The following CFAP58 variants were observed in gnomAD, a reference collection of about 807,000 sequenced individuals.
CFAP58 encodes cilia- and flagella-associated protein 58.
CFAP58 carries 88 observed loss-of-function variants against 119.5 expected under a neutral mutation model. The observed-to-expected ratio is 0.74, with a 90% CI of 0.62 to 0.88. CFAP58 has a LOEUF of 0.88. Ranked by LOEUF, CFAP58 falls within the 40% of genes least tolerant of loss-of-function variation. The pLI is 0.00. For synonymous variants in CFAP58, 365 were observed against 366.3 expected, an observed-to-expected ratio of 1.00 and a Z score of 0.04; for missense variants, 990 against 1,021.2, an observed-to-expected ratio of 0.97 and a Z score of 0.42.
Position 104,393,442 on chromosome 10 carries a change from G to A in CFAP58, c.1641G>A (p.Gln547=), listed in dbSNP as rs1564890005. 6.2e-7 allele frequency: 1 copy of A among 1,613,842 alleles called. No homozygotes were observed. The highest frequency in any genetic ancestry group is 2.2e-5 in the East Asian group (1 of 44,874). Residue 547 remains glutamine (Q), a synonymous_variant, in exon 11 of 18, where the codon CAG becomes CAA. Transcript: ENST00000369704. ...ESALVKLHLE[Q]QRIEKEKETL... is the part of the protein sequence containing the mutation. ...CACTTGTGAAGCTGCACCTGGAACAGCAGCGAATAGAAAAGGAAAAGGAAA... is the reference window on the plus strand; with the variant it reads ...CACTTGTGAAGCTGCACCTGGAACAACAGCGAATAGAAAAGGAAAAGGAAA...
At chr10:104,447,860 C>T (rs754684675) in intron 16 of CFAP58, 43 bp downstream of exon 16, 1 of 1,552,836 alleles carries the variant, frequency 6.4e-7, no homozygotes, top group Non-Finnish European at 8.7e-7. Context: ...AGGGCAGCCA[C>T]ACTCTGGGGA....
At chr10:104,388,334 A>T (rs1309884634) in intron 9 of CFAP58, among the ~76,000 whole-genome samples, 1 of 152,240 alleles carries the variant, frequency 6.6e-6, no homozygotes, top group Middle Eastern at 3.2e-3. Context: ...TATGCTAAGT[A>T]CTTATATGCT....
In CFAP58 at chr10:104,358,606, T is replaced by C. The variant is rs775649330; in HGVS notation, c.275T>C (p.Ile92Thr). ...LKLSQDDQTT[I>T]ASLKKEIEKA... ...CTCTCTCAGGATGATCAGACCACCA[T>C]TGCATCCCTAAAGAAGGTCAGTGAT... Residue 92 changes from isoleucine to threonine, a missense_variant, in exon 2 of 18, where the codon ATT (isoleucine) becomes ACT (threonine). Ile to Thr is a moderately conservative substitution (Grantham distance 89). Coordinates refer to ENST00000369704, the MANE Select transcript of CFAP58 (RefSeq NM_001008723.2). 7.4e-6 allele frequency: 12 copies of C among 1,611,674 alleles called. No individual in the cohort carries two copies. The highest frequency in any genetic ancestry group is 1.7e-5 in the Admixed American group (1 of 59,704).
intron 2 of CFAP58, among the ~76,000 whole-genome samples, chr10:104,359,771 T>C (rs2135247588): frequency 6.6e-6 from 1 of 152,252 alleles, no homozygotes; most frequent in East Asian, 1.9e-4. Context: ...ACTCCAGCCT[T>C]GGCAACAGAG....
At chr10:104,386,062 CTT>C (rs34685828) in intron 9 of CFAP58, among the ~76,000 whole-genome samples, 120 of 140,404 alleles carry the variant, frequency 8.5e-4, no homozygotes, top group Non-Finnish European at 9.8e-4. Flanking sequence ...TCCTTTTTTG[CTT>C]TTTTTTTTTT....
chr10:104,360,901 T>C (rs1406069631), intron 2 of CFAP58, among the ~76,000 whole-genome samples: 5 of 152,228 alleles, frequency 3.3e-5, no homozygotes, highest in African/African-American at 1.2e-4. Context: ...GTTGATTCCA[T>C]GTCTTTGCTA....
chr10:104,408,278 CTT>C (rs1482588965), intron 15 of CFAP58, among the ~76,000 whole-genome samples: 1 of 152,186 alleles, frequency 6.6e-6, no homozygotes, highest in Non-Finnish European at 1.5e-5. Context: ...CATTTCGTGA[CTT>C]TAAGAGAATT....
intron 15 of CFAP58, among the ~76,000 whole-genome samples, chr10:104,437,846 G>C (rs147396860): frequency 2.0e-5 from 3 of 151,972 alleles, no homozygotes; most frequent in South Asian, 4.1e-4. Context: ...AACCATAAAA[G>C]AAATATGTAT....
intron 15 of CFAP58, among the ~76,000 whole-genome samples, chr10:104,433,637 C>T (rs888214702): frequency 1.3e-5 from 2 of 152,184 alleles, no homozygotes; most frequent in Non-Finnish European, 2.9e-5. Context: ...CTGAGCCCAT[C>T]CCATGATGTC....
Position 104,400,655 on chromosome 10 carries a change from ACTATGCCCCTCCCTAC to A in CFAP58, c.1816-22_1816-7del, listed in dbSNP as rs1564892671. ...AGCTAAGGCTCCTCCTTCCCTGGTGACTATGCCCCTCCCTACCTTCCTAGGTCATCAGTGAGAGAGA... is the reference window on the plus strand; with the variant it reads ...AGCTAAGGCTCCTCCTTCCCTGGTGACTTCCTAGGTCATCAGTGAGAGAGA... On this transcript the variant is annotated splice_polypyrimidine_tract_variant and intron_variant, in intron 12 of 17. Coordinates refer to ENST00000369704, the MANE Select transcript of CFAP58 (RefSeq NM_001008723.2). 2.5e-6 allele frequency: 4 copies of A among 1,592,442 alleles called. No individual in the cohort carries two copies. In the South Asian group the frequency reaches 4.4e-5, roughly 18 times the overall value.
chr10:104,345,203 G>A, the CFAP58 span, among the ~76,000 whole-genome samples: 31 of 152,070 alleles, frequency 2.0e-4, no homozygotes, highest in Non-Finnish European at 3.5e-4. Flanking sequence ...TCATTTTATA[G>A]ATGCCTATCC....
At chr10:104,433,121 T>C (rs1428733025) in intron 15 of CFAP58, among the ~76,000 whole-genome samples, 1 of 152,144 alleles carries the variant, frequency 6.6e-6, no homozygotes. Context: ...TGAGACAGGG[T>C]CTCGTTCCAT....
At chr10:104,355,267 T>G (rs2014528733) in intron 1 of CFAP58, among the ~76,000 whole-genome samples, 1 of 152,214 alleles carries the variant, frequency 6.6e-6, no homozygotes, top group Admixed American at 6.5e-5. Context: ...GTTTATTTCA[T>G]TCTTCATTCC....
At chr10:104,345,004 C>A in the CFAP58 span, among the ~76,000 whole-genome samples, 1 of 151,866 alleles carries the variant, frequency 6.6e-6, no homozygotes, top group African/African-American at 2.4e-5. Flanking sequence ...AAAAATTAGC[C>A]GGGCATGGTG....
the CFAP58 span, among the ~76,000 whole-genome samples, chr10:104,345,651 CA>C: frequency 6.6e-5 from 10 of 152,184 alleles, no homozygotes; most frequent in African/African-American, 2.4e-4. Flanking sequence ...AATGATAATG[CA>C]GTGAATTGAC....
intron 13 of CFAP58, among the ~76,000 whole-genome samples, chr10:104,402,657 G>A (rs2012286227): frequency 6.6e-6 from 1 of 152,196 alleles, no homozygotes; most frequent in Non-Finnish European, 1.5e-5. Flanking sequence ...GATTTTAGCG[G>A]TGTGTTTCAG....
In CFAP58 at chr10:104,410,350, A is replaced by C. The variant is rs935743197; in HGVS notation, c.2256+3557A>C. Among the ~76,000 whole-genome samples, 7 of 152,172 alleles carry C rather than the reference A, an allele frequency of 4.6e-5. No homozygotes were observed. In the East Asian group the frequency reaches 9.6e-4, roughly 21 times the overall value. On this transcript the variant is annotated intron_variant, in intron 15 of 17. Transcript: ENST00000369704. ...ATGTTTACCAGTTCTTTTGTTTTCT[A>C]TTTCTACATATCTCCAATTCCTTAC...
At chr10:104,426,058 C>T (rs928625099) in intron 15 of CFAP58, among the ~76,000 whole-genome samples, 5 of 152,198 alleles carry the variant, frequency 3.3e-5, no homozygotes, top group Admixed American at 3.3e-4. Context: ...ATGGCAAAAA[C>T]CTGTTTCTAT....
chr10:104,338,907 G>GTTTTTTT, the CFAP58 span, among the ~76,000 whole-genome samples: 1 of 140,596 alleles, frequency 7.1e-6, no homozygotes. Flanking sequence ...GCTTACTACC[G>GTTTTTTT]TTTTTTTTTT....
Sources: gnomAD v4.1 joint callset for allele counts (sites outside exome capture counted in the v4.1 genomes callset) on GRCh38, gnomAD v4.1.1 for gene constraint, MANE v1.5 for transcripts, NCBI Gene and HGNC (gene_info 2026-07-23, HGNC 2026-07-21) for gene names.